Variants in HTR7 observed in about 807,000 individuals in gnomAD.
The protein encoded by HTR7 is 5-HT-7.
HTR7 carries 16 observed loss-of-function variants against 34.0 expected under a neutral mutation model. The observed-to-expected ratio is 0.47, with a 90% CI of 0.32 to 0.71. The LOEUF (loss-of-function observed/expected upper bound fraction) is 0.71, where lower values mean the gene tolerates loss of function less well. HTR7 is among the 30% of genes least tolerant of loss of function. The pLI, the probability that HTR7 is intolerant of heterozygous loss-of-function variation, is 0.04. For missense variants in HTR7, 504 were observed against 625.5 expected (o/e 0.81, Z 2.07); for synonymous variants, 265 against 260.2 (o/e 1.02, Z -0.18).
intron 1 of HTR7, among the ~76,000 whole-genome samples, chr10:90,788,494 A>T (rs937961821): frequency 2.8e-4 from 43 of 152,346 alleles, no homozygotes; most frequent in African/African-American, 7.2e-4. Context: ...TCATTCGGAG[A>T]CCAAGAATTA....
At position 90,845,467 on chromosome 10, in the gene HTR7, T is replaced by C. The variant is rs544397964; in HGVS notation, c.539+11666A>G. 3.9e-5 allele frequency among the ~76,000 whole-genome samples: 6 copies of C among 152,266 alleles called. No individual in the cohort carries two copies. In the East Asian group the frequency reaches 9.6e-4, roughly 24 times the overall value. On this transcript the variant is annotated intron_variant, in intron 1 of 3. Transcript: ENST00000336152. ...TGAGCTTCCTCAGCTTCCTCACCTATAGCATGGCATTAAAAGTGTTCATAT... is the reference window on the plus strand; with the variant it reads ...TGAGCTTCCTCAGCTTCCTCACCTACAGCATGGCATTAAAAGTGTTCATAT...
rs569969921 is a variant in HTR7 at position 90,816,728 on chromosome 10, G to A, written c.539+40405C>T. ...AATCTCCCTAATTTGATATCCCACCGGGCCTGATCTGTTTCTCCTTGCCAA... is the reference window on the plus strand; with the variant it reads ...AATCTCCCTAATTTGATATCCCACCAGGCCTGATCTGTTTCTCCTTGCCAA... On this transcript the variant is annotated intron_variant, in intron 1 of 3. Transcript: ENST00000336152. Among the ~76,000 whole-genome samples the A allele has an allele frequency of 5.5e-4, 83 of 152,162 alleles. 1 individual carries two copies. Among genetic ancestry groups the A allele is most frequent in the South Asian group, 1.2e-3 (6 of 4,812 alleles).
intron 1 of HTR7, among the ~76,000 whole-genome samples, chr10:90,824,444 T>C (rs1176302496): frequency 6.6e-6 from 1 of 152,224 alleles, no homozygotes; most frequent in Non-Finnish European, 1.5e-5. Context: ...ACCCAGCACA[T>C]TCCCAGCTGT....
At chr10:90,773,680 C>T (rs1384124557) in intron 1 of HTR7, among the ~76,000 whole-genome samples, 1 of 152,088 alleles carries the variant, frequency 6.6e-6, no homozygotes, top group East Asian at 1.9e-4. Context: ...TTTTTAGATC[C>T]CACAGGTGAA....
chr10:90,856,052 C>T (rs954457100), intron 1 of HTR7, among the ~76,000 whole-genome samples: 1 of 152,076 alleles, frequency 6.6e-6, no homozygotes, highest in African/African-American at 2.4e-5. Flanking sequence ...TCCTTTGAGG[C>T]ACTGTCATTT....
chr10:90,855,052 CTG>C (rs1846558066), intron 1 of HTR7, among the ~76,000 whole-genome samples: 1 of 152,124 alleles, frequency 6.6e-6, no homozygotes, highest in Non-Finnish European at 1.5e-5. Context: ...GAAAATCAGT[CTG>C]TGTCTTCCAA....
chr10:90,848,069 C>CTTTTTTTTTTTTTT lies in HTR7; in HGVS notation c.539+9050_539+9063dup, dbSNP rs61675028. Among the ~76,000 whole-genome samples the CTTTTTTTTTTTTTT allele has an allele frequency of 6.2e-4, 70 of 112,086 alleles. 2 individuals are homozygous for CTTTTTTTTTTTTTT. The highest frequency in any genetic ancestry group is 1.2e-3 in the African/African-American group (31 of 26,220). 73.5% of individuals were successfully genotyped at this position (112,086 alleles called of 152,430 possible). ...TAAAAGCAATCACTCTCTCTTTGTT[C>CTTTTTTTTTTTTTT]TTTTTTTTTTTTTTTTTTTGGCAGG... On this transcript the variant is annotated intron_variant, in intron 1 of 3. Transcript: ENST00000336152.
intron 2 of HTR7, among the ~76,000 whole-genome samples, chr10:90,745,033 C>T (rs1392757644): frequency 6.6e-6 from 1 of 152,188 alleles, no homozygotes; most frequent in Non-Finnish European, 1.5e-5. Context: ...GAAGTCTTCT[C>T]TGATTAGGGT....
At chr10:90,764,721 C>A (rs755546622) in intron 1 of HTR7, among the ~76,000 whole-genome samples, 7 of 151,990 alleles carry the variant, frequency 4.6e-5, no homozygotes, top group Non-Finnish European at 1.0e-4. Flanking sequence ...AGAAGTGGTG[C>A]GAGTGGACAA....
At chr10:90,761,645 T>C (rs955004745) in intron 1 of HTR7, among the ~76,000 whole-genome samples, 1 of 151,890 alleles carries the variant, frequency 6.6e-6, no homozygotes, top group African/African-American at 2.4e-5. Context: ...TGTGTGTGTG[T>C]GTGTGTGTGT....
Position 90,742,423 on chromosome 10 carries a change from A to T in HTR7, c.*59T>A. The T allele has an allele frequency of 5.4e-6, 7 of 1,286,204 alleles. No homozygotes were observed. Among genetic ancestry groups the T allele is most frequent in the Non-Finnish European group, 7.8e-6 (7 of 899,130 alleles). 79.7% of individuals were successfully genotyped at this position (1,286,204 alleles called of 1,614,324 possible). A position where few individuals can be genotyped will look rare whatever the true frequency, so the allele number is the denominator to read the frequency against. On this transcript the variant is annotated 3_prime_UTR_variant, in exon 4 of 4. Coordinates refer to ENST00000336152, the MANE Select transcript of HTR7 (RefSeq NM_019859.4). ...TTCCATTCTGCAGACTCAGCAAATG[A>T]CTTCCTTCTGTTTCCACCTCTATTT...
chr10:90,847,182 C>T (rs1053308492), intron 1 of HTR7, among the ~76,000 whole-genome samples: 1 of 152,158 alleles, frequency 6.6e-6, no homozygotes, highest in South Asian at 2.1e-4. Flanking sequence ...GCCTCAAGTT[C>T]CTCCTACATC....
chr10:90,836,463 T>C (rs188479470), intron 1 of HTR7, among the ~76,000 whole-genome samples: 18 of 152,304 alleles, frequency 1.2e-4, no homozygotes, highest in Non-Finnish European at 2.6e-4. Context: ...TGGGTGTTTA[T>C]ATGAGTCAAG....
intron 1 of HTR7, among the ~76,000 whole-genome samples, chr10:90,837,275 A>G (rs2120075775): frequency 6.6e-6 from 1 of 152,364 alleles, no homozygotes; most frequent in East Asian, 1.9e-4. Context: ...CCATGTGCCA[A>G]GAACTTTTTA....
chr10:90,809,586 G>C (rs1020171477), intron 1 of HTR7, among the ~76,000 whole-genome samples: 10 of 152,116 alleles, frequency 6.6e-5, no homozygotes, highest in Admixed American at 2.0e-4. Flanking sequence ...GCAATTCCTT[G>C]CCTCCACTGT....
Position 90,857,101 on chromosome 10 carries a change from C to T in HTR7, c.539+32G>A, listed in dbSNP as rs1215075460. ...GCTGAGCTGCCAGCCGGTCCCCAGCCGGAGCCTGGGACGGGGCGGTCCGGC... is the reference window on the plus strand; with the variant it reads ...GCTGAGCTGCCAGCCGGTCCCCAGCTGGAGCCTGGGACGGGGCGGTCCGGC... On this transcript the variant is annotated intron_variant, in intron 1 of 3. Coordinates refer to ENST00000336152, the MANE Select transcript of HTR7 (RefSeq NM_019859.4). The surrounding 1 kb of genome is among the most constrained non-coding windows in gnomAD (Gnocchi z 6.5). The T allele has an allele frequency of 8.0e-6, 12 of 1,504,366 alleles. No homozygotes were observed. The highest frequency in any genetic ancestry group is 2.6e-5 in the South Asian group (2 of 75,900). 93.2% of individuals were successfully genotyped at this position (1,504,366 alleles called of 1,614,324 possible).
chr10:90,837,025 T>A (rs1846263080), intron 1 of HTR7, among the ~76,000 whole-genome samples: 1 of 152,198 alleles, frequency 6.6e-6, no homozygotes, highest in Non-Finnish European at 1.5e-5. Context: ...CCCAGTCCTG[T>A]GAGAACCTTG....
At chr10:90,796,880 C>T (rs1449099351) in intron 1 of HTR7, among the ~76,000 whole-genome samples, 2 of 151,992 alleles carry the variant, frequency 1.3e-5, no homozygotes, top group African/African-American at 4.8e-5. Flanking sequence ...GATGTGGTGG[C>T]AGGCGCCTGT....
At chr10:90,796,121 A>G (rs550464795) in intron 1 of HTR7, among the ~76,000 whole-genome samples, 64 of 152,164 alleles carry the variant, frequency 4.2e-4, no homozygotes, top group Non-Finnish European at 7.2e-4. Context: ...GGCATGTCCA[A>G]CCTCCCCCTT....
Sources: allele counts gnomAD v4.1 joint callset (sites outside exome capture counted in the v4.1 genomes callset), GRCh38; gene constraint gnomAD v4.1.1; non-coding constraint Gnocchi (gnomAD v3.1); transcripts MANE v1.5; gene names NCBI Gene and HGNC (gene_info 2026-07-23, HGNC 2026-07-21).